The following KDM4C variants were observed in gnomAD, a reference collection of about 807,000 sequenced individuals.
KDM4C encodes the protein lysine-specific demethylase 4C.
Under a neutral mutation model 129.3 loss-of-function variants are expected in KDM4C, and 81 were observed. The ratio of observed to expected loss-of-function variants is 0.63; its 90% confidence interval spans 0.52 to 0.75. The LOEUF is 0.75. Among genes scored for constraint, KDM4C ranks in the 30% least tolerant of loss-of-function variants. The pLI, the probability that KDM4C is intolerant of heterozygous loss-of-function variation, is 0.00. For synonymous variants in KDM4C, 573 were observed against 456.1 expected, an observed-to-expected ratio of 1.26 and a Z score of -3.26; for missense variants, 1,457 against 1,304.0, an observed-to-expected ratio of 1.12 and a Z score of -1.81.
chr9:6,966,429 C>A (rs921970450), intron 8 of KDM4C, among the ~76,000 whole-genome samples: 1 of 152,222 alleles, frequency 6.6e-6, no homozygotes, highest in Non-Finnish European at 1.5e-5. Flanking sequence ...CTCTGCCTCC[C>A]AAAGTGCTGG....
At chr9:6,782,085 A>T (rs571749960) in intron 1 of KDM4C, among the ~76,000 whole-genome samples, 1 of 152,248 alleles carries the variant, frequency 6.6e-6, no homozygotes, top group Admixed American at 6.5e-5. Flanking sequence ...TCGGTCTCCC[A>T]AGTGCTGGGA....
chr9:6,823,282 C>T (rs1434056879), intron 4 of KDM4C, among the ~76,000 whole-genome samples: 1 of 152,188 alleles, frequency 6.6e-6, no homozygotes, highest in East Asian at 1.9e-4. Context: ...GGTCAGTCTT[C>T]AGTGGCCCCT....
At chr9:7,150,424 A>G (rs1842624949) in intron 19 of KDM4C, among the ~76,000 whole-genome samples, 1 of 152,188 alleles carries the variant, frequency 6.6e-6, no homozygotes, top group South Asian at 2.1e-4. Context: ...CTCTTTGCCT[A>G]ACTACCTACA....
chr9:6,866,750 C>T (rs980868500), intron 5 of KDM4C, among the ~76,000 whole-genome samples: 3 of 151,938 alleles, frequency 2.0e-5, no homozygotes, highest in Non-Finnish European at 4.4e-5. Flanking sequence ...CACTTGACTT[C>T]AGGCAGATCA....
chr9:6,820,098 G>A lies in KDM4C; in HGVS notation c.435+5353G>A, dbSNP rs930018985. ...TTGTGCAAGGTGCAAAGATGGATAC[G>A]AATCCTGCTTCTCAAGTAGTTCATA... is the stretch of plus-strand genomic sequence containing the variant. On this transcript the variant is annotated intron_variant, in intron 4 of 21. Transcript: ENST00000381309. Among the ~76,000 whole-genome samples, 2 of 152,146 alleles carry A rather than the reference G, an allele frequency of 1.3e-5. 1 individual carries two copies. Among genetic ancestry groups the A allele is most frequent in the South Asian group, 4.1e-4 (2 of 4,826 alleles).
intron 18 of KDM4C, among the ~76,000 whole-genome samples, chr9:7,112,495 A>G (rs889817407): frequency 6.6e-6 from 1 of 152,160 alleles, no homozygotes. Context: ...AGGTGGAATT[A>G]TAGGCCTTGG....
intron 19 of KDM4C, among the ~76,000 whole-genome samples, chr9:7,164,929 C>T (rs1005563225): frequency 6.6e-6 from 1 of 152,188 alleles, no homozygotes; most frequent in African/African-American, 2.4e-5. Context: ...GTCTATTCCT[C>T]AGCTAAAGCG....
intron 8 of KDM4C, among the ~76,000 whole-genome samples, chr9:6,943,565 C>T (rs967032694): frequency 1.3e-5 from 2 of 151,786 alleles, no homozygotes; most frequent in African/African-American, 4.8e-5. Context: ...GTCCTGGCTA[C>T]TTGGGAGGCT....
At chr9:7,107,274 G>A (rs928987945) in intron 18 of KDM4C, among the ~76,000 whole-genome samples, 3 of 152,218 alleles carry the variant, frequency 2.0e-5, no homozygotes, top group African/African-American at 7.2e-5. Flanking sequence ...ACAGATGTTT[G>A]TAAGGAAAAG....
At chr9:7,032,952 A>T (rs907949465) in intron 15 of KDM4C, among the ~76,000 whole-genome samples, 1 of 152,194 alleles carries the variant, frequency 6.6e-6, no homozygotes, top group East Asian at 1.9e-4. Flanking sequence ...TTCTGCCTAG[A>T]GGACCTTTCC....
chr9:7,097,958 G>C (rs1836644812), intron 17 of KDM4C, among the ~76,000 whole-genome samples: 2 of 152,234 alleles, frequency 1.3e-5, no homozygotes, highest in South Asian at 4.1e-4. Context: ...TGTTCAGTCA[G>C]TGTTCTGCTA....
At chr9:6,796,376 T>A (rs1338303241) in intron 2 of KDM4C, among the ~76,000 whole-genome samples, 2 of 151,924 alleles carry the variant, frequency 1.3e-5, no homozygotes, top group African/African-American at 4.8e-5. Context: ...ACCCGGGAGG[T>A]GGAGGGCAGA....
upstream of KDM4C, among the ~76,000 whole-genome samples, chr9:6,754,117 C>G (rs1818164592): frequency 6.6e-6 from 1 of 151,796 alleles, no homozygotes; most frequent in African/African-American, 2.4e-5. Context: ...CTCAGGTGAT[C>G]CGCCCGCCTC....
chr9:6,893,889 A>T (rs893157494), intron 8 of KDM4C, among the ~76,000 whole-genome samples: 18 of 152,224 alleles, frequency 1.2e-4, no homozygotes, highest in African/African-American at 4.3e-4. Flanking sequence ...TAAATAGAAG[A>T]CATCTTCAAA....
chr9:6,791,979 G>A (rs1367987989), intron 1 of KDM4C, among the ~76,000 whole-genome samples: 2 of 152,110 alleles, frequency 1.3e-5, no homozygotes, highest in Non-Finnish European at 2.9e-5. Context: ...CCGAGATTGC[G>A]CCATTTCACT....
chr9:6,898,973 T>G (rs1333840880), intron 8 of KDM4C, among the ~76,000 whole-genome samples: 1 of 152,156 alleles, frequency 6.6e-6, no homozygotes, highest in African/African-American at 2.4e-5. Context: ...TTGTTCATTT[T>G]AACAGTTCTT....
chr9:7,027,554 A>G (rs1260657184), intron 15 of KDM4C, among the ~76,000 whole-genome samples: 1 of 152,150 alleles, frequency 6.6e-6, no homozygotes, highest in East Asian at 1.9e-4. Context: ...ACAGCATTAG[A>G]TCTCACCTAA....
At chr9:6,871,514 G>A (rs1267896938) in intron 5 of KDM4C, among the ~76,000 whole-genome samples, 22 of 152,222 alleles carry the variant, frequency 1.4e-4, no homozygotes, top group African/African-American at 5.3e-4. Context: ...CAGTTTTTTA[G>A]TGTTAGCAGT....
At chr9:7,091,060 A>AC (rs753355979) in intron 17 of KDM4C, among the ~76,000 whole-genome samples, 7 of 151,506 alleles carry the variant, frequency 4.6e-5, no homozygotes, top group South Asian at 2.1e-4. Context: ...TTTGAGGAAA[A>AC]CCCCCCCAAA....
Sources: gnomAD v4.1 joint callset for allele counts (sites outside exome capture counted in the v4.1 genomes callset) on GRCh38, gnomAD v4.1.1 for gene constraint, MANE v1.5 for transcripts, NCBI Gene and HGNC (gene_info 2026-07-23, HGNC 2026-07-21) for gene names.